Variants in DPH6 observed in about 807,000 individuals in gnomAD.
DPH6 encodes the protein diphthine--ammonia ligase.
A neutral mutation model predicts 38.2 loss-of-function variants in DPH6; 33 were observed. The observed-to-expected ratio is 0.86, with a 90% CI of 0.65 to 1.15. The LOEUF is 1.15. Among genes scored for constraint, DPH6 ranks in the 50% most tolerant of loss-of-function variants. The pLI, the probability that DPH6 is intolerant of heterozygous loss-of-function variation, is 0.00. For missense variants in DPH6, 325 were observed against 320.0 expected (o/e 1.02, Z -0.12); for synonymous variants, 108 against 103.0 (o/e 1.05, Z -0.30).
chr15:35,301,975 AAAT>A (rs1012144052), intron 3 of DPH6, among the ~76,000 whole-genome samples: 1 of 152,008 alleles, frequency 6.6e-6, no homozygotes, highest in Non-Finnish European at 1.5e-5. Flanking sequence ...CTCCATCTCA[AAAT>A]AATAATAATA....
chr15:35,257,421 C>T lies in DPH6; in HGVS notation n.201-36839G>A, dbSNP rs376842308. ...TTTCCATACTCATGAATGAGAGATCCGCACTTCTTCAAAAGGTTGTTGATT... is the reference window on the plus strand; with the variant it reads ...TTTCCATACTCATGAATGAGAGATCTGCACTTCTTCAAAAGGTTGTTGATT... On this transcript the variant is annotated intron_variant and non_coding_transcript_variant, in intron 3 of 3. Transcript: ENST00000560386. 5.6e-4 allele frequency among the ~76,000 whole-genome samples: 85 copies of T among 152,118 alleles called. 1 individual carries two copies. The highest frequency in any genetic ancestry group is 1.9e-3 in the African/African-American group (80 of 41,484).
chr15:35,496,567 A>AAAAAAAAAAAAAAAAAAATATAT, intron 3 of DPH6, among the ~76,000 whole-genome samples: 4 of 31,008 alleles, frequency 1.3e-4, no homozygotes, highest in African/African-American at 4.1e-4. Context: ...AAAAAAAAAA[A>AAAAAAAAAAAAAAAAAAATATAT]ATATATATAT....
the DPH6 span, among the ~76,000 whole-genome samples, chr15:35,203,283 C>T: frequency 1.2e-4 from 18 of 151,678 alleles, no homozygotes; most frequent in Admixed American, 3.3e-4. Flanking sequence ...TTCTGCCAGA[C>T]ATTTCATTGG....
chr15:35,409,807 T>C (rs2053342000), intron 6 of DPH6, among the ~76,000 whole-genome samples: 2 of 151,850 alleles, frequency 1.3e-5, no homozygotes, highest in South Asian at 4.2e-4. Flanking sequence ...TGACATCAAA[T>C]TATCTAGAAA....
the DPH6 span, among the ~76,000 whole-genome samples, chr15:35,182,018 A>G: frequency 6.6e-6 from 1 of 152,206 alleles, no homozygotes; most frequent in Non-Finnish European, 1.5e-5. Flanking sequence ...TAATTACAGC[A>G]TGTGTCACAA....
chr15:35,214,784 T>A (rs1327919255), downstream of DPH6, among the ~76,000 whole-genome samples: 5 of 152,164 alleles, frequency 3.3e-5, no homozygotes, highest in Non-Finnish European at 5.9e-5. Flanking sequence ...TTTTTTGTAT[T>A]TTTAGTAGAG....
chr15:35,499,779 T>C (rs1017513079), intron 3 of DPH6, among the ~76,000 whole-genome samples: 5 of 152,196 alleles, frequency 3.3e-5, no homozygotes, highest in African/African-American at 1.2e-4. Flanking sequence ...CTGGCCACTG[T>C]GTTTGGCAGG....
chr15:35,312,069 C>T (rs2052148036), intron 3 of DPH6, among the ~76,000 whole-genome samples: 1 of 147,054 alleles, frequency 6.8e-6, no homozygotes, highest in African/African-American at 2.5e-5. Context: ...ACTTGGGTAC[C>T]AGGGAAAACA....
Position 35,508,106 on chromosome 15 carries a change from A to G in DPH6, c.312+30168T>C, listed in dbSNP as rs547840096. On this transcript the variant is annotated intron_variant, in intron 3 of 8. Transcript: ENST00000256538. ...GGACTGTGCAGCCCCTGGTTAATTA[A>G]TCTGCCGGCTGAATGACAGTGTGCC... Among the ~76,000 whole-genome samples, 3 of 152,196 alleles carry G rather than the reference A, an allele frequency of 2.0e-5. No individual in the cohort carries two copies. The South Asian group carries it at 6.2e-4, about 32-fold the overall frequency.
intron 3 of DPH6, among the ~76,000 whole-genome samples, chr15:35,473,622 CA>C (rs1441072951): frequency 6.6e-6 from 1 of 152,000 alleles, no homozygotes; most frequent in Non-Finnish European, 1.5e-5. Context: ...AGGGTTATCA[CA>C]ATTATTTATT....
At chr15:35,492,784 G>C (rs889056437) in intron 3 of DPH6, among the ~76,000 whole-genome samples, 2 of 152,028 alleles carry the variant, frequency 1.3e-5, no homozygotes, top group African/African-American at 4.8e-5. Flanking sequence ...TAAATAACTT[G>C]TTCAAGAACA....
chr15:35,348,416 G>T (rs1382776964), intron 3 of DPH6, among the ~76,000 whole-genome samples: 1 of 152,104 alleles, frequency 6.6e-6, no homozygotes, highest in African/African-American at 2.4e-5. Flanking sequence ...ATTTTCCATT[G>T]TGTAGTTTTG....
At chr15:35,498,774 T>C (rs762638718) in intron 3 of DPH6, among the ~76,000 whole-genome samples, 1 of 152,010 alleles carries the variant, frequency 6.6e-6, no homozygotes, top group African/African-American at 2.4e-5. Context: ...TCTATTCATA[T>C]AGCTTTTTTT....
At chr15:35,241,876 T>C (rs375703703) in intron 3 of DPH6, among the ~76,000 whole-genome samples, 22 of 141,700 alleles carry the variant, frequency 1.6e-4, no homozygotes, top group African/African-American at 5.3e-4. Context: ...TTTACCTGTC[T>C]TAAAACCAGA....
chr15:35,161,973 A>T, the DPH6 span, among the ~76,000 whole-genome samples: 5 of 151,856 alleles, frequency 3.3e-5, no homozygotes, highest in Non-Finnish European at 7.4e-5. Context: ...AGCAGTATTT[A>T]TGCACTTGCT....
intron 3 of DPH6, among the ~76,000 whole-genome samples, chr15:35,492,884 C>T (rs903266986): frequency 1.3e-5 from 2 of 151,962 alleles, no homozygotes; most frequent in African/African-American, 2.4e-5. Flanking sequence ...ACTAAAACAT[C>T]AGAGCAAAGG....
At chr15:35,502,935 A>AAT (rs1201689830) in intron 3 of DPH6, among the ~76,000 whole-genome samples, 2 of 147,438 alleles carry the variant, frequency 1.4e-5, no homozygotes, top group South Asian at 2.1e-4. Flanking sequence ...TATATATATA[A>AAT]ATATATATAT....
At chr15:35,483,784 T>A (rs530052499) in intron 3 of DPH6, among the ~76,000 whole-genome samples, 2 of 152,188 alleles carry the variant, frequency 1.3e-5, no homozygotes, top group African/African-American at 4.8e-5. Context: ...ATGGAAACAA[T>A]TCAATTTTCG....
At chr15:35,545,751 G>A (rs1595460805) in intron 1 of DPH6, among the ~76,000 whole-genome samples, 2 of 152,092 alleles carry the variant, frequency 1.3e-5, no homozygotes, top group South Asian at 4.1e-4. Context: ...CAAACTTCAC[G>A]GCTCATTAGA....
Sources: gnomAD v4.1 joint callset for allele counts (sites outside exome capture counted in the v4.1 genomes callset) on GRCh38, gnomAD v4.1.1 for gene constraint, MANE v1.5 for transcripts, NCBI Gene and HGNC (gene_info 2026-07-23, HGNC 2026-07-21) for gene names.